Variants in KLHL26 observed in about 807,000 individuals in gnomAD.
The protein encoded by KLHL26 is kelch like family member 26, also known as kelch-like protein 26.
KLHL26 carries 4 observed loss-of-function variants against 7.1 expected under a neutral mutation model. The ratio of observed to expected loss-of-function variants is 0.56; its 90% CI spans 0.28 to 1.28. The LOEUF is 1.28. KLHL26 is among the 50% of genes most tolerant of loss of function. The probability of loss-of-function intolerance (pLI) is 0.11; values close to 1 mark genes in which losing one functional copy is unlikely to be tolerated. For synonymous variants in KLHL26, 465 were observed against 414.1 expected (o/e 1.12, Z -1.49); for missense variants, 896 against 924.6 (o/e 0.97, Z 0.40).
chr19:18,668,078 C>A lies in KLHL26; in HGVS notation c.681C>A (p.Phe227Leu), dbSNP rs1024850088. Residue 227 changes from phenylalanine to leucine, a missense_variant, in exon 3 of 3, where the codon TTC (phenylalanine) becomes TTA (leucine). By Grantham distance (22) the Phe-to-Leu change is conservative (BLOSUM62 0). Transcript: ENST00000300976. ...RLQSCAEIDL[F>L]RAAVRWLQHD... ...AGAGCTGTGCCGAGATCGACCTGTT[C>A]CGCGCGGCCGTCCGCTGGCTGCAGC... The A allele has an allele frequency of 1.3e-5, 21 of 1,605,810 alleles. No homozygotes were observed. Among genetic ancestry groups the A allele is most frequent in the Non-Finnish European group, 1.8e-5 (21 of 1,179,852 alleles).
intron 2 of KLHL26, chr19:18,667,451 G>T (rs756047490): frequency 1.7e-5 from 12 of 718,338 alleles, no homozygotes; most frequent in Admixed American, 1.2e-4. Flanking sequence ...TGATCCACCC[G>T]CCTGGGCTTC....
chr19:18,644,660 C>T (rs1976769663), intron 1 of KLHL26: 1 of 152,276 alleles, frequency 6.6e-6, no homozygotes, highest in Non-Finnish European at 1.5e-5. Flanking sequence ...GGCTTGCAGT[C>T]TGGCAGGTAG....
intron 1 of KLHL26, among the ~76,000 whole-genome samples, chr19:18,651,745 A>G (rs2052260421): frequency 1.3e-5 from 2 of 152,264 alleles, no homozygotes; most frequent in South Asian, 2.1e-4. Context: ...CCACCCCGAC[A>G]TGCTAGAATT....
At chr19:18,665,409 G>T (rs1325025231) in intron 2 of KLHL26, among the ~76,000 whole-genome samples, 2 of 152,226 alleles carry the variant, frequency 1.3e-5, no homozygotes, top group Admixed American at 1.3e-4. Flanking sequence ...CTAGTCCTTG[G>T]GATGCAGCAG....
chr19:18,668,662 A>C lies in KLHL26; in HGVS notation c.1265A>C (p.Asn422Thr), dbSNP rs2052486463. Reference sequence around the variant, plus strand: ...ATGGTGTACGCCACGGGCGGCCGCAACCGAGCCGGCAGCCTGGCCTCCGTG... The same window carrying C: ...ATGGTGTACGCCACGGGCGGCCGCACCCGAGCCGGCAGCCTGGCCTCCGTG... ...CGMVYATGGR[N>T]RAGSLASVER... The change falls in exon 3 of 3, where the codon AAC becomes ACC. Residue 422 changes from asparagine to threonine, a missense_variant. Physicochemically the swap from Asn to Thr is moderately conservative, Grantham distance 65 (BLOSUM62 0). Transcript: ENST00000300976. The C allele has an allele frequency of 6.4e-7, 1 of 1,567,208 alleles. No individual in the cohort carries two copies. The highest frequency in any genetic ancestry group is 8.6e-7 in the Non-Finnish European group (1 of 1,161,268).
At position 18,648,465 on chromosome 19, in the gene KLHL26, T is replaced by C. The variant is rs918237153; in HGVS notation, c.83+11328T>C. On this transcript the variant is annotated intron_variant, in intron 1 of 2. Transcript: ENST00000300976. This position sits in a 1 kb window ranked among gnomAD's most constrained non-coding sequence, Gnocchi z 4.9. ...GGATGCCTGGAGGTTGAGCTTGTGCTGACTGATAGTGGTGGCCAGTTTCTG... is the reference window on the plus strand; with the variant it reads ...GGATGCCTGGAGGTTGAGCTTGTGCCGACTGATAGTGGTGGCCAGTTTCTG... 6.6e-6 allele frequency among the ~76,000 whole-genome samples: 1 copy of C among 152,182 alleles called. No homozygotes were observed. The highest frequency in any genetic ancestry group is 1.5e-5 in the Non-Finnish European group (1 of 68,032).
rs1976713899 is a variant in KLHL26, at chr19:18,641,633, T to C, written c.83+4496T>C. Among the ~76,000 whole-genome samples the C allele has an allele frequency of 2.2e-4, 3 of 13,926 alleles. No individual in the cohort carries two copies. The South Asian group carries it at 4.6e-3, about 21-fold the overall frequency. The allele number at this position is 13,926 out of a possible 152,430, so 9.1% of individuals were successfully genotyped here. A position where few individuals can be genotyped will look rare whatever the true frequency, so the allele number is the denominator to read the frequency against. On this transcript the variant is annotated intron_variant, in intron 1 of 2. Coordinates refer to ENST00000300976, the MANE Select transcript of KLHL26 (RefSeq NM_018316.3). The stretch of plus-strand genomic sequence containing the variant: ...CACACCCGGCTCTTTTTCTTTTTTC[T>C]TTTTTTTTTTTTTGAGATGGAGGCT...
At chr19:18,651,502 GA>G (rs1298959090) in intron 1 of KLHL26, among the ~76,000 whole-genome samples, 1 of 152,260 alleles carries the variant, frequency 6.6e-6, no homozygotes, top group Non-Finnish European at 1.5e-5. Flanking sequence ...GCCCTTATGA[GA>G]AGAGGGGAGG....
intron 2 of KLHL26, among the ~76,000 whole-genome samples, chr19:18,664,787 T>C (rs2052430615): frequency 6.6e-6 from 1 of 152,056 alleles, no homozygotes; most frequent in Non-Finnish European, 1.5e-5. Flanking sequence ...GGTTTCACCA[T>C]GTTGGCCAGG....
At chr19:18,660,832 C>T (rs995905557) in intron 1 of KLHL26, among the ~76,000 whole-genome samples, 10 of 152,304 alleles carry the variant, frequency 6.6e-5, no homozygotes, top group Admixed American at 6.5e-4. Flanking sequence ...AGGAAGGAAA[C>T]AGCCATGTGG....
rs572318198 is a variant in KLHL26 at position 18,649,253 on chromosome 19, G to T, written c.83+12116G>T. Among the ~76,000 whole-genome samples, 1 of 152,180 alleles carries T rather than the reference G, an allele frequency of 6.6e-6. No homozygotes were observed. Among genetic ancestry groups the T allele is most frequent in the Non-Finnish European group, 1.5e-5 (1 of 68,028 alleles). On this transcript the variant is annotated intron_variant, in intron 1 of 2. Coordinates refer to ENST00000300976, the MANE Select transcript of KLHL26 (RefSeq NM_018316.3). The surrounding 1 kb of genome is among the most constrained non-coding windows in gnomAD (Gnocchi z 4.0). ...CAGGGCTTTATCAGATCTTTTTACAGTGGTGGTCCTGGCGCTGGCACAGCT... is the reference window on the plus strand; with the variant it reads ...CAGGGCTTTATCAGATCTTTTTACATTGGTGGTCCTGGCGCTGGCACAGCT...
intron 1 of KLHL26, among the ~76,000 whole-genome samples, chr19:18,642,885 G>A (rs1037934329): frequency 3.3e-5 from 5 of 151,642 alleles, no homozygotes; most frequent in African/African-American, 9.7e-5. Flanking sequence ...CCAGGCTAGA[G>A]TGCAGTGGCA....
intron 1 of KLHL26, among the ~76,000 whole-genome samples, chr19:18,638,544 G>A (rs11665980): frequency 0.11 from 17,032 of 152,200 alleles, 1,037 homozygotes; most frequent in Non-Finnish European, 0.14. Context: ...GGAGCCAGGA[G>A]ATGTCAGAGG....
Position 18,669,606 on chromosome 19 carries a change from C to T in KLHL26, c.*361C>T. The T allele has an allele frequency of 2.1e-6, 1 of 476,934 alleles. No individual in the cohort carries two copies. Among genetic ancestry groups the T allele is most frequent in the Non-Finnish European group, 3.7e-6 (1 of 269,914 alleles). The allele number at this position is 476,934 out of a possible 1,614,324, so 29.5% of individuals were successfully genotyped here. On this transcript the variant is annotated 3_prime_UTR_variant, in exon 3 of 3. Coordinates refer to ENST00000300976, the MANE Select transcript of KLHL26 (RefSeq NM_018316.3). ...TCTCACTTCTCTACTGCCTCCCAGC[C>T]CCACGGTTTCAGGCATTCAGATGTG...
At chr19:18,652,983 A>G (rs998624867) in intron 1 of KLHL26, among the ~76,000 whole-genome samples, 1 of 152,204 alleles carries the variant, frequency 6.6e-6, no homozygotes, top group African/African-American at 2.4e-5. Flanking sequence ...GCAGAGGGAC[A>G]CTAGGTATGG....
chr19:18,659,013 G>T (rs977848394), intron 1 of KLHL26, among the ~76,000 whole-genome samples: 11 of 151,562 alleles, frequency 7.3e-5, no homozygotes, highest in Admixed American at 7.2e-4. Context: ...ACCTTTCTCT[G>T]CGTCCCTGTT....
intron 2 of KLHL26, among the ~76,000 whole-genome samples, chr19:18,666,856 A>G (rs1335711369): frequency 4.6e-5 from 7 of 152,224 alleles, no homozygotes. Flanking sequence ...ACTGTGGTGC[A>G]TGGCACCTCC....
At chr19:18,667,044 G>A (rs2052455031) in intron 2 of KLHL26, among the ~76,000 whole-genome samples, 2 of 152,222 alleles carry the variant, frequency 1.3e-5, no homozygotes, top group South Asian at 4.1e-4. Flanking sequence ...GCTCCAACAC[G>A]ATCTAGTCAT....
In KLHL26 at chr19:18,669,699, G is replaced by A. The variant is rs562134789; in HGVS notation, c.*454G>A. ...CCCTCCTTCCAAGTCTCCTGCGCGCGTGTTTTTAAAATAAACTCACCCGAA... is the reference window on the plus strand; with the variant it reads ...CCCTCCTTCCAAGTCTCCTGCGCGCATGTTTTTAAAATAAACTCACCCGAA... On this transcript the variant is annotated 3_prime_UTR_variant, in exon 3 of 3. Coordinates refer to ENST00000300976, the MANE Select transcript of KLHL26 (RefSeq NM_018316.3). The A allele has an allele frequency of 2.7e-4, 59 of 222,230 alleles. No individual in the cohort carries two copies. The highest frequency in any genetic ancestry group is 1.3e-3 in the African/African-American group (57 of 44,098). 13.8% of individuals were successfully genotyped at this position (222,230 alleles called of 1,614,324 possible).
Sources: allele counts gnomAD v4.1 joint callset (sites outside exome capture counted in the v4.1 genomes callset), GRCh38; gene constraint gnomAD v4.1.1; non-coding constraint Gnocchi (gnomAD v3.1); transcripts MANE v1.5; gene names NCBI Gene and HGNC (gene_info 2026-07-23, HGNC 2026-07-21).